ACTR3C: variants seen among roughly 807,000 people sequenced by gnomAD.
ACTR3C encodes actin related protein 3C.
In ACTR3C, 18 loss-of-function variants were observed where a neutral mutation model predicts 26.3. The observed-to-expected ratio is 0.68, with a 90% CI of 0.47 to 1.01. The LOEUF (loss-of-function observed/expected upper bound fraction) is 1.01, where lower values mean the gene tolerates loss of function less well. Ranked by LOEUF, ACTR3C falls within the 50% of genes least tolerant of loss-of-function variation. The pLI is 0.00. For synonymous variants in ACTR3C, 55 were observed against 94.5 expected (o/e 0.58, Z 2.42); for missense variants, 184 against 250.7 (o/e 0.73, Z 1.80).
intron 1 of ACTR3C, among the ~76,000 whole-genome samples, chr7:150,298,555 A>G (rs10234492): frequency 0.034 from 4,877 of 141,886 alleles, 314 homozygotes; most frequent in African/African-American, 0.13. Context: ...TTAGTACCCC[A>G]CTCAGAGAGT....
the ACTR3C span, among the ~76,000 whole-genome samples, chr7:150,204,443 G>A: frequency 6.7e-6 from 1 of 150,154 alleles, no homozygotes; most frequent in Non-Finnish European, 1.5e-5. Context: ...GTGAGGATGT[G>A]TGAAGGCATC....
At chr7:149,979,288 C>A in the ACTR3C span, among the ~76,000 whole-genome samples, 1 of 152,156 alleles carries the variant, frequency 6.6e-6, no homozygotes, top group Admixed American at 6.5e-5. Context: ...TAAAGCTCTG[C>A]AAAAGATAGA....
chr7:149,885,636 C>A, the ACTR3C span, among the ~76,000 whole-genome samples: 2 of 152,250 alleles, frequency 1.3e-5, no homozygotes, highest in South Asian at 4.1e-4. Context: ...GGGTCTTCCT[C>A]CCTCCTGAAA....
At chr7:150,080,417 G>A in the ACTR3C span, among the ~76,000 whole-genome samples, 1 of 151,180 alleles carries the variant, frequency 6.6e-6, no homozygotes, top group South Asian at 2.1e-4. Context: ...TTTATCTAGA[G>A]GAAAATTTAA....
chr7:150,223,154 A>T, the ACTR3C span, among the ~76,000 whole-genome samples: 1 of 152,224 alleles, frequency 6.6e-6, no homozygotes. Flanking sequence ...AGCTTTGCTT[A>T]TTCTAGAATT....
chr7:150,300,839 C>T (rs1795395601), intron 1 of ACTR3C, among the ~76,000 whole-genome samples: 1 of 151,736 alleles, frequency 6.6e-6, no homozygotes, highest in Middle Eastern at 3.2e-3. Context: ...GAGATTAAAT[C>T]TGCTAATAGC....
chr7:150,080,714 T>C, the ACTR3C span, among the ~76,000 whole-genome samples: 875 of 151,448 alleles, frequency 5.8e-3, 5 homozygotes, highest in Admixed American at 8.7e-3. Context: ...AGGAAAAGAG[T>C]TTCCTGCAGA....
chr7:149,912,725 A>T, the ACTR3C span, among the ~76,000 whole-genome samples: 1 of 151,488 alleles, frequency 6.6e-6, no homozygotes, highest in East Asian at 1.9e-4. Flanking sequence ...CTGGTCTCGA[A>T]CTCCTGACCT....
the ACTR3C span, among the ~76,000 whole-genome samples, chr7:149,914,225 CTG>C: frequency 1.3e-5 from 2 of 151,114 alleles, no homozygotes; most frequent in African/African-American, 2.4e-5. Flanking sequence ...ATTTAAAACA[CTG>C]TGTGTTTAGG....
chr7:150,120,145 G>A, the ACTR3C span, among the ~76,000 whole-genome samples: 6 of 151,960 alleles, frequency 3.9e-5, no homozygotes, highest in African/African-American at 1.4e-4. Flanking sequence ...AAGGTCTAAG[G>A]TTGACACCCT....
chr7:150,039,717 T>G, the ACTR3C span, among the ~76,000 whole-genome samples: 1 of 123,250 alleles, frequency 8.1e-6, no homozygotes, highest in African/African-American at 2.7e-5. Context: ...AGGGTCTGGC[T>G]CTCAGTCCCC....
intron 1 of ACTR3C, among the ~76,000 whole-genome samples, chr7:150,298,676 G>A (rs897239673): frequency 2.7e-5 from 4 of 146,368 alleles, no homozygotes; most frequent in African/African-American, 1.0e-4. Context: ...ATACAAATGG[G>A]AAATTCAACT....
chr7:150,298,343 A>G (rs1301391900), intron 1 of ACTR3C, among the ~76,000 whole-genome samples: 8 of 149,536 alleles, frequency 5.3e-5, no homozygotes, highest in African/African-American at 2.0e-4. Flanking sequence ...AATAAAGTAC[A>G]TTAAAAACAT....
chr7:150,127,655 C>T, the ACTR3C span, among the ~76,000 whole-genome samples: 2 of 152,124 alleles, frequency 1.3e-5, no homozygotes, highest in Admixed American at 6.6e-5. Context: ...AAAACATATC[C>T]GTTTTATTGT....
chr7:149,890,792 G>A, the ACTR3C span: 1 of 176,546 alleles, frequency 5.7e-6, no homozygotes, highest in African/African-American at 2.4e-5. Context: ...AGGTTTCTGG[G>A]AAAGGGTCTC....
the ACTR3C span, among the ~76,000 whole-genome samples, chr7:150,155,523 C>T: frequency 2.6e-5 from 4 of 152,050 alleles, no homozygotes; most frequent in African/African-American, 4.8e-5. Context: ...AAACACACAA[C>T]GTTTACATAA....
the ACTR3C span, among the ~76,000 whole-genome samples, chr7:149,911,643 C>A: frequency 6.7e-6 from 1 of 149,818 alleles, no homozygotes; most frequent in Non-Finnish European, 1.5e-5. Context: ...TTAAGAGGAG[C>A]AGTGGCCTAT....
At chr7:149,955,213 C>T in the ACTR3C span, among the ~76,000 whole-genome samples, 269 of 152,340 alleles carry the variant, frequency 1.8e-3, 3 homozygotes, top group African/African-American at 6.2e-3. Context: ...GCATGAGCTG[C>T]GTGGGGGCCT....
At chr7:150,172,201 T>C in the ACTR3C span, among the ~76,000 whole-genome samples, 2 of 150,642 alleles carry the variant, frequency 1.3e-5, no homozygotes, top group African/African-American at 5.0e-5. Context: ...CTCTTCCAAA[T>C]GTACTTGTAT....
Sources: allele counts gnomAD v4.1 joint callset (sites outside exome capture counted in the v4.1 genomes callset), GRCh38; gene constraint gnomAD v4.1.1; transcripts MANE v1.5; gene names NCBI Gene and HGNC (gene_info 2026-07-23, HGNC 2026-07-21).